The following TEX26 variants were observed in gnomAD, a reference collection of about 807,000 sequenced individuals.
The protein encoded by TEX26 is testis-expressed protein 26.
A neutral mutation model predicts 35.3 loss-of-function variants in TEX26; 34 were observed. The ratio of observed to expected loss-of-function variants is 0.96; its 90% CI spans 0.73 to 1.28. The LOEUF is 1.28. Among genes scored for constraint, TEX26 ranks in the 50% most tolerant of loss-of-function variants. TEX26 has a pLI of 0.00. For synonymous variants in TEX26, 136 were observed against 111.8 expected (o/e 1.22, Z -1.36); for missense variants, 371 against 330.1 (o/e 1.12, Z -0.96).
At position 30,966,331 on chromosome 13, in the gene TEX26, T is replaced by G; in HGVS notation, c.579T>G (p.Pro193=). The change falls in exon 5 of 7, where the codon CCT becomes CCG. Residue 193 remains proline, a synonymous_variant. Coordinates refer to ENST00000380473, the MANE Select transcript of TEX26 (RefSeq NM_152325.3). ...RRNYQIPAKI[P]ELQDFSFKYG... Reference sequence around the variant, plus strand: ...ATTACCAAATTCCAGCTAAAATTCCTGAGCTTCAAGATTTCAGTTTCAAAT... The same window carrying G: ...ATTACCAAATTCCAGCTAAAATTCCGGAGCTTCAAGATTTCAGTTTCAAAT... 6.2e-7 allele frequency: 1 copy of G among 1,614,112 alleles called. No homozygotes were observed. The highest frequency in any genetic ancestry group is 8.5e-7 in the Non-Finnish European group (1 of 1,180,006).
At chr13:30,974,131 A>AAATATATATATATATATATATATATATAT in intron 6 of TEX26, among the ~76,000 whole-genome samples, 1 of 84,418 alleles carries the variant, frequency 1.2e-5, no homozygotes, top group Non-Finnish European at 2.2e-5. Flanking sequence ...AAAAAAAAAA[A>AAATATATATATATATATATATATATATAT]ATATATATAT....
intron 3 of TEX26, among the ~76,000 whole-genome samples, chr13:30,956,593 A>C (rs995875172): frequency 2.0e-5 from 3 of 152,158 alleles, no homozygotes; most frequent in African/African-American, 7.2e-5. Flanking sequence ...TTCTTCCCTT[A>C]GTCTTATCTG....
chr13:30,947,193 A>C (rs960535284), intron 2 of TEX26, among the ~76,000 whole-genome samples: 3 of 152,154 alleles, frequency 2.0e-5, no homozygotes, highest in Non-Finnish European at 4.4e-5. Context: ...GAAATACAAA[A>C]AGAAAATTTT....
chr13:30,943,226 T>G (rs780162348), intron 2 of TEX26, among the ~76,000 whole-genome samples: 6 of 152,092 alleles, frequency 3.9e-5, no homozygotes, highest in Non-Finnish European at 4.4e-5. Context: ...CTTGGTTAAG[T>G]ATATTCCTGG....
chr13:30,954,900 C>G (rs1323820624), intron 3 of TEX26, among the ~76,000 whole-genome samples: 1 of 152,204 alleles, frequency 6.6e-6, no homozygotes, highest in Non-Finnish European at 1.5e-5. Context: ...AGGCTCTCAA[C>G]CAATGAGAGC....
chr13:30,934,682 CAACACT>C (rs1953202265), intron 1 of TEX26, among the ~76,000 whole-genome samples: 1 of 152,178 alleles, frequency 6.6e-6, no homozygotes, highest in Non-Finnish European at 1.5e-5. Context: ...GCTGGGGCTG[CAACACT>C]CCATGGAGCC....
intron 4 of TEX26, among the ~76,000 whole-genome samples, chr13:30,961,034 A>T (rs1257018092): frequency 1.3e-5 from 2 of 152,194 alleles, no homozygotes; most frequent in Non-Finnish European, 2.9e-5. Flanking sequence ...CTTGGGGGAA[A>T]TCCCTAAATG....
At chr13:30,964,666 A>C (rs959545320) in intron 4 of TEX26, among the ~76,000 whole-genome samples, 19 of 152,210 alleles carry the variant, frequency 1.2e-4, no homozygotes, top group African/African-American at 4.6e-4. Context: ...TCTATGATGA[A>C]ATAAATTTAT....
intron 3 of TEX26, among the ~76,000 whole-genome samples, chr13:30,953,703 A>G (rs1954015936): frequency 6.6e-6 from 1 of 152,226 alleles, no homozygotes; most frequent in African/African-American, 2.4e-5. Flanking sequence ...CACATTAAAG[A>G]AAGCCATCTC....
At chr13:30,973,508 A>G (rs1033408460) in intron 6 of TEX26, 3 of 152,216 alleles carry the variant, frequency 2.0e-5, no homozygotes, top group Admixed American at 1.3e-4. Context: ...AGTGAATTTC[A>G]CTTTATGAAA....
chr13:30,934,589 G>A (rs1047374543), intron 1 of TEX26, among the ~76,000 whole-genome samples: 20 of 152,190 alleles, frequency 1.3e-4, no homozygotes, highest in African/African-American at 4.3e-4. Flanking sequence ...TGGTCCTTAC[G>A]TCTTCCAGCT....
chr13:30,953,396 A>T (rs917736042), intron 3 of TEX26, among the ~76,000 whole-genome samples: 8 of 152,246 alleles, frequency 5.3e-5, no homozygotes, highest in African/African-American at 1.9e-4. Context: ...AAGACTACCC[A>T]TGTAGCATCC....
At chr13:30,943,863 G>C (rs1953605027) in intron 2 of TEX26, among the ~76,000 whole-genome samples, 1 of 151,994 alleles carries the variant, frequency 6.6e-6, no homozygotes, top group South Asian at 2.1e-4. Flanking sequence ...AATTCAGTTA[G>C]TATTTTGTTG....
intron 1 of TEX26, among the ~76,000 whole-genome samples, chr13:30,938,290 G>A (rs1953347052): frequency 1.3e-5 from 2 of 152,182 alleles, no homozygotes; most frequent in African/African-American, 4.8e-5. Flanking sequence ...AAACAGTGTT[G>A]TTGCTGGTAT....
chr13:30,960,939 T>A (rs1286411112), intron 4 of TEX26, among the ~76,000 whole-genome samples: 1 of 152,068 alleles, frequency 6.6e-6, no homozygotes, highest in Non-Finnish European at 1.5e-5. Flanking sequence ...ACAAAGGAGG[T>A]ATCAAATATA....
At chr13:30,973,829 C>T (rs371511245) in intron 6 of TEX26, among the ~76,000 whole-genome samples, 3 of 152,156 alleles carry the variant, frequency 2.0e-5, no homozygotes, top group South Asian at 4.2e-4. Flanking sequence ...TAAAGTTTTA[C>T]AGCTCCACTC....
chr13:30,947,709 A>T (rs1043517813), intron 2 of TEX26, among the ~76,000 whole-genome samples: 17 of 152,276 alleles, frequency 1.1e-4, no homozygotes, highest in African/African-American at 3.6e-4. Context: ...GAAAATCGAA[A>T]CACTAATTTT....
At position 30,939,878 on chromosome 13, in the gene TEX26, T is replaced by A. The variant is rs534750013; in HGVS notation, c.146+100T>A. 2.8e-6 allele frequency: 3 copies of A among 1,084,166 alleles called. No individual in the cohort carries two copies. In the African/African-American group the frequency reaches 4.7e-5, roughly 17 times the overall value. The allele number at this position is 1,084,166 out of a possible 1,614,324, so 67.2% of individuals were successfully genotyped here. A position where few individuals can be genotyped will look rare whatever the true frequency, so the allele number is the denominator to read the frequency against. ...ACACATAGACAGTAATTAGAGAAGCTTCGTAAAAATGCTCTTGGATACGGG... is the reference window on the plus strand; with the variant it reads ...ACACATAGACAGTAATTAGAGAAGCATCGTAAAAATGCTCTTGGATACGGG... On this transcript the variant is annotated intron_variant, in intron 2 of 6. Transcript: ENST00000380473.
chr13:30,948,932 G>A (rs1399841311), intron 2 of TEX26, among the ~76,000 whole-genome samples: 3 of 152,096 alleles, frequency 2.0e-5, no homozygotes, highest in African/African-American at 7.2e-5. Flanking sequence ...GTGTAAGGAA[G>A]GGATCCAGTT....
Sources: allele counts gnomAD v4.1 joint callset (sites outside exome capture counted in the v4.1 genomes callset), GRCh38; gene constraint gnomAD v4.1.1; transcripts MANE v1.5; gene names NCBI Gene and HGNC (gene_info 2026-07-23, HGNC 2026-07-21).